TKFC: variants seen among roughly 807,000 people sequenced by gnomAD.
TKFC encodes triokinase and FMN cyclase, also known as triokinase/FMN cyclase.
In TKFC, 46 loss-of-function variants were observed where a neutral mutation model predicts 61.0. The ratio of observed to expected loss-of-function variants is 0.75; its 90% CI spans 0.60 to 0.96. TKFC has a LOEUF of 0.96. TKFC is among the 50% of genes least tolerant of loss of function. The probability of loss-of-function intolerance (pLI) is 0.00; values close to 1 mark genes in which losing one functional copy is unlikely to be tolerated. For missense variants in TKFC, 715 were observed against 777.5 expected (o/e 0.92, Z 0.96); for synonymous variants, 314 against 330.1 (o/e 0.95, Z 0.53).
downstream of TKFC, chr11:61,351,335 G>A (rs980576979): frequency 3.9e-5 from 23 of 593,380 alleles, no homozygotes; most frequent in Non-Finnish European, 5.9e-5. Context: ...TGTCACCCGG[G>A]CTGGAGTGCA....
intron 12 of TKFC, 60 bp from the exon 13 acceptor site, chr11:61,344,076 G>A (rs1856998188): frequency 6.2e-7 from 1 of 1,605,196 alleles, no homozygotes; most frequent in East Asian, 2.2e-5. Context: ...TCCCACCATA[G>A]TCAAGTGTGG....
chr11:61,347,462 C>G lies in TKFC; in HGVS notation c.*959C>G. ...GCTGAGTTGGGAGGATGGCTTGGGC[C>G]CAGGAGGTCGAGGCTGCGGTGAGCC... is the stretch of plus-strand genomic sequence containing the variant. On this transcript the variant is annotated 3_prime_UTR_variant, in exon 18 of 18. Transcript: ENST00000394900. 11 of 971,072 alleles carry G rather than the reference C, an allele frequency of 1.1e-5. No individual in the cohort carries two copies. Among genetic ancestry groups the G allele is most frequent in the Non-Finnish European group, 1.3e-5 (11 of 817,390 alleles). 60.2% of individuals were successfully genotyped at this position (971,072 alleles called of 1,614,324 possible).
At position 61,346,618 on chromosome 11, in the gene TKFC, C is replaced by A; in HGVS notation, c.*115C>A. On this transcript the variant is annotated 3_prime_UTR_variant, in exon 18 of 18. Coordinates refer to ENST00000394900, the MANE Select transcript of TKFC (RefSeq NM_015533.4). The surrounding 1 kb of genome is among the most constrained non-coding windows in gnomAD (Gnocchi z 4.1). ...TTCCCCCGGCCTGGCCCCATTGGCC[C>A]ACCCTCTAAGTTGAGCAGGAAATCC... 1 of 1,491,752 alleles carries A rather than the reference C, an allele frequency of 6.7e-7. No homozygotes were observed. Among genetic ancestry groups the A allele is most frequent in the African/African-American group, 1.4e-5 (1 of 71,702 alleles). The allele number at this position is 1,491,752 out of a possible 1,614,324, so 92.4% of individuals were successfully genotyped here.
chr11:61,338,648 A>G (rs975195100), intron 3 of TKFC, among the ~76,000 whole-genome samples: 1 of 152,138 alleles, frequency 6.6e-6, no homozygotes, highest in Non-Finnish European at 1.5e-5. Flanking sequence ...GCAAACACTC[A>G]TGAGCCCACT....
At chr11:61,351,905 T>C (rs1857427769), downstream of TKFC, 1 of 152,108 alleles carries the variant, frequency 6.6e-6, no homozygotes, top group Admixed American at 6.5e-5. Context: ...CAGAGTGAGA[T>C]GCTATCTCTT....
chr11:61,333,555 C>T (rs1279989042), intron 1 of TKFC: 3 of 152,452 alleles, frequency 2.0e-5, no homozygotes, highest in African/African-American at 7.2e-5. Context: ...TCAGTTCCTC[C>T]AGATCCAGCT....
chr11:61,350,282 C>T, downstream of TKFC: 1 of 1,355,512 alleles, frequency 7.4e-7, no homozygotes, highest in South Asian at 1.3e-5. Flanking sequence ...AAGTCTGGGC[C>T]CAGCATTGGA....
At position 61,347,119 on chromosome 11, in the gene TKFC, G is replaced by T. The variant is rs1050052956; in HGVS notation, c.*616G>T. The T allele has an allele frequency of 4.1e-6, 4 of 985,324 alleles. No individual in the cohort carries two copies. In the African/African-American group the frequency reaches 5.2e-5, roughly 13 times the overall value. 61.0% of individuals were successfully genotyped at this position (985,324 alleles called of 1,614,324 possible). A position where few individuals can be genotyped will look rare whatever the true frequency, so the allele number is the denominator to read the frequency against. ...TTTCCAGTACACACACCTGATGCAT[G>T]TAAGAATGGTAGAGGGGCTTTTCTT... On this transcript the variant is annotated 3_prime_UTR_variant, in exon 18 of 18. Transcript: ENST00000394900.
rs1354249916 is a variant in TKFC at position 61,338,054 on chromosome 11, T to TG, written c.117_118insG (p.Ser40ValfsTer2). On this transcript the variant is annotated frameshift_variant, in exon 3 of 18. Coordinates refer to ENST00000394900, the MANE Select transcript of TKFC (RefSeq NM_015533.4). ...TGCAGGGCCACCGCGTGGCCCTCCG[T>TG]TCTGACCTGGACAGCCTCAAGGGCC... The TG allele has an allele frequency of 5.0e-5, 81 of 1,612,582 alleles. No individual in the cohort carries two copies. Among genetic ancestry groups the TG allele is most frequent in the Non-Finnish European group, 6.5e-5 (77 of 1,179,790 alleles).
intron 10 of TKFC, 58 bp from the exon 11 acceptor site, chr11:61,343,284 G>T (rs1017246082): frequency 9.2e-6 from 14 of 1,526,850 alleles, no homozygotes; most frequent in Non-Finnish European, 1.3e-5. Flanking sequence ...CTTTTCTGTT[G>T]TTTTCTTTCC....
chr11:61,348,986 G>A lies in TKFC; in HGVS notation c.*2483G>A, dbSNP rs2135087691. 6.4e-6 allele frequency: 1 copy of A among 156,250 alleles called. No homozygotes were observed. Among genetic ancestry groups the A allele is most frequent in the East Asian group, 1.9e-4 (1 of 5,372 alleles). 9.7% of individuals were successfully genotyped at this position (156,250 alleles called of 1,614,324 possible). On this transcript the variant is annotated 3_prime_UTR_variant, in exon 18 of 18. Coordinates refer to ENST00000394900, the MANE Select transcript of TKFC (RefSeq NM_015533.4). ...TTCTGCCAACATCTGGCAATGTGAG[G>A]CTGGGGTGGACGTTGGCCTGATGTT...
At chr11:61,339,645 A>G (rs1195755996) in intron 5 of TKFC, 1 of 588,096 alleles carries the variant, frequency 1.7e-6, no homozygotes, top group African/African-American at 1.9e-5. Context: ...TTTCTTCTCC[A>G]CACCCAATCA....
At chr11:61,352,267 T>C (rs1467612161), downstream of TKFC, 1 of 152,150 alleles carries the variant, frequency 6.6e-6, no homozygotes, top group African/African-American at 2.4e-5. Flanking sequence ...TTACTGGCTG[T>C]GTGCCCTCGG....
intron 10 of TKFC, 105 bp downstream of exon 10, chr11:61,342,949 TA>T: frequency 8.5e-7 from 1 of 1,182,646 alleles, no homozygotes; most frequent in African/African-American, 1.5e-5. Flanking sequence ...AAGCCTGAGT[TA>T]AATCGTCTCT....
Position 61,345,292 on chromosome 11 carries a change from C to T in TKFC, c.1273C>T (p.Pro425Ser). The change falls in exon 14 of 18, where the codon CCT becomes TCT. Residue 425 changes from proline (P) to serine (S), a missense_variant. Physicochemically the swap from Pro to Ser is moderately conservative, Grantham distance 74 (BLOSUM62 -1). Coordinates refer to ENST00000394900, the MANE Select transcript of TKFC (RefSeq NM_015533.4). ...IQEWLKEGPP[P>S]ASPAQLLSKL... ...GGAGTGGCTGAAGGAGGGCCCACCC[C>T]CTGCCAGCCCTGCCCAGCTGCTCTC... The T allele has an allele frequency of 1.3e-6, 2 of 1,595,124 alleles. No homozygotes were observed. Among genetic ancestry groups the T allele is most frequent in the Non-Finnish European group, 1.7e-6 (2 of 1,168,408 alleles).
In TKFC at chr11:61,339,283, A is replaced by T. The variant is rs201441428; in HGVS notation, c.334A>T (p.Thr112Ser). 1 of 1,613,722 alleles carries T rather than the reference A, an allele frequency of 6.2e-7. No homozygotes were observed. Among genetic ancestry groups the T allele is most frequent in the African/African-American group, 1.3e-5 (1 of 75,044 alleles). ...VGTLLIVKNY[T>S]GDRLNFGLAR... ...GACGCTCCTTATCGTGAAGAACTAC[A>T]CTGGGGATCGGCTCAACTTCGGCCT... The change falls in exon 5 of 18, where the codon ACT (threonine) becomes TCT (serine). Residue 112 changes from threonine (T) to serine (S), a missense_variant. Physicochemically the swap from Thr to Ser is moderately conservative, Grantham distance 58. Transcript: ENST00000394900.
chr11:61,344,065 C>T, intron 12 of TKFC, 71 bp from the exon 13 acceptor site: 2 of 1,601,162 alleles, frequency 1.2e-6, no homozygotes, highest in South Asian at 1.1e-5. Context: ...GCACCCACAC[C>T]TCCCACCATA....
At chr11:61,351,013 G>A (rs532050820), downstream of TKFC, 54 of 1,613,732 alleles carry the variant, frequency 3.3e-5, no homozygotes, top group Middle Eastern at 1.7e-4. Flanking sequence ...CAGGATCCCC[G>A]GCTCTGGGCG....
rs1055262746 is a variant in TKFC at position 61,347,611 on chromosome 11, T to C, written c.*1108T>C. Reference sequence around the variant, plus strand: ...GGTCTCTTTCTAGAGCGATCACTGATGGCACCAGGGTGAGCAGGGGCACTG... The same window carrying C: ...GGTCTCTTTCTAGAGCGATCACTGACGGCACCAGGGTGAGCAGGGGCACTG... On this transcript the variant is annotated 3_prime_UTR_variant, in exon 18 of 18. Transcript: ENST00000394900. The C allele has an allele frequency of 1.0e-4, 102 of 984,148 alleles. No individual in the cohort carries two copies. The highest frequency in any genetic ancestry group is 1.2e-4 in the Non-Finnish European group (101 of 829,880). The allele number at this position is 984,148 out of a possible 1,614,324, so 61.0% of individuals were successfully genotyped here. A position where few individuals can be genotyped will look rare whatever the true frequency, so the allele number is the denominator to read the frequency against.
Sources: allele counts gnomAD v4.1 joint callset (sites outside exome capture counted in the v4.1 genomes callset), GRCh38; gene constraint gnomAD v4.1.1; non-coding constraint Gnocchi (gnomAD v3.1); transcripts MANE v1.5; gene names NCBI Gene and HGNC (gene_info 2026-07-23, HGNC 2026-07-21).